Variants in CD38 observed in about 807,000 individuals in gnomAD.
CD38 encodes the protein ADP-ribosyl cyclase/cyclic ADP-ribose hydrolase 1.
CD38 carries 31 observed loss-of-function variants against 36.3 expected under a neutral mutation model. That is an observed-to-expected ratio of 0.85 (90% CI 0.64 to 1.15). The LOEUF is 1.15. CD38 is among the 50% of genes most tolerant of loss of function. The pLI, the probability that CD38 is intolerant of heterozygous loss-of-function variation, is 0.00. For synonymous variants in CD38, 131 were observed against 135.2 expected, an observed-to-expected ratio of 0.97 and a Z score of 0.22; for missense variants, 380 against 371.9, an observed-to-expected ratio of 1.02 and a Z score of -0.18.
At chr4:15,786,754 G>A (rs954840468) in intron 1 of CD38, among the ~76,000 whole-genome samples, 2 of 152,266 alleles carry the variant, frequency 1.3e-5, no homozygotes, top group African/African-American at 2.4e-5. Context: ...CCCTTGGACG[G>A]TGGATGGGAC....
chr4:15,808,430 G>C (rs1226030942), intron 1 of CD38, among the ~76,000 whole-genome samples: 1 of 152,174 alleles, frequency 6.6e-6, no homozygotes. Flanking sequence ...CATTTCCTAA[G>C]ACCCTCCAAG....
chr4:15,788,319 G>A (rs566457311), intron 1 of CD38, among the ~76,000 whole-genome samples: 36 of 152,320 alleles, frequency 2.4e-4, no homozygotes, highest in African/African-American at 8.2e-4. Flanking sequence ...TGCTCTGAGA[G>A]GTGACATTTC....
rs1253289216 is a variant in CD38, at chr4:15,849,680, C to T, written c.*1078C>T. ...ACAATTGTATTACTTTTTCAAAGAA[C>T]TAAGCTTTAGCTTCATTGATTTTTT... On this transcript the variant is annotated 3_prime_UTR_variant, in exon 8 of 8. Coordinates refer to ENST00000226279, the MANE Select transcript of CD38 (RefSeq NM_001775.4). 1 of 152,310 alleles carries T rather than the reference C, an allele frequency of 6.6e-6. No individual in the cohort carries two copies. Among genetic ancestry groups the T allele is most frequent in the African/African-American group, 2.4e-5 (1 of 41,570 alleles). The allele number at this position is 152,310 out of a possible 1,614,324, so 9.4% of individuals were successfully genotyped here.
chr4:15,809,656 C>T (rs558637084), intron 1 of CD38, among the ~76,000 whole-genome samples: 2 of 152,262 alleles, frequency 1.3e-5, no homozygotes, highest in Non-Finnish European at 2.9e-5. Flanking sequence ...AAATCACCGG[C>T]ACAGAATGAG....
intron 2 of CD38, among the ~76,000 whole-genome samples, chr4:15,820,331 T>A (rs1222183610): frequency 6.6e-6 from 1 of 152,146 alleles, no homozygotes; most frequent in Non-Finnish European, 1.5e-5. Flanking sequence ...CTGGATCAAA[T>A]TCACACATAA....
At chr4:15,819,805 C>T (rs182762248) in intron 2 of CD38, among the ~76,000 whole-genome samples, 5 of 152,188 alleles carry the variant, frequency 3.3e-5, no homozygotes, top group Admixed American at 3.3e-4. Flanking sequence ...AATGAAACCA[C>T]GTTGGAAAAC....
intron 1 of CD38, among the ~76,000 whole-genome samples, chr4:15,783,984 C>G (rs1382321593): frequency 6.6e-6 from 1 of 152,180 alleles, no homozygotes; most frequent in Non-Finnish European, 1.5e-5. Context: ...GGGAGATTCA[C>G]AAATGAAGAA....
At chr4:15,816,813 A>T (rs1723608724) in intron 2 of CD38, 173 bp downstream of exon 2, 4 of 686,062 alleles carry the variant, frequency 5.8e-6, no homozygotes, top group Non-Finnish European at 1.0e-5. Flanking sequence ...GATATAATTA[A>T]GATTTAGGAC....
At chr4:15,786,165 G>C (rs937491736) in intron 1 of CD38, among the ~76,000 whole-genome samples, 1 of 152,196 alleles carries the variant, frequency 6.6e-6, no homozygotes, top group Non-Finnish European at 1.5e-5. Context: ...AAGAGCAAAA[G>C]AACAAAGCTT....
chr4:15,827,899 A>G (rs1723883653), intron 3 of CD38, among the ~76,000 whole-genome samples: 1 of 152,050 alleles, frequency 6.6e-6, no homozygotes, highest in African/African-American at 2.4e-5. Flanking sequence ...GTATTTATTT[A>G]CTTTTTATTC....
At chr4:15,821,083 A>G (rs1385896495) in intron 2 of CD38, among the ~76,000 whole-genome samples, 4 of 152,340 alleles carry the variant, frequency 2.6e-5, no homozygotes, top group East Asian at 1.9e-4. Flanking sequence ...CTGCTCCTGA[A>G]TGACTCCTGG....
At chr4:15,820,770 G>A (rs887644435) in intron 2 of CD38, among the ~76,000 whole-genome samples, 3 of 151,964 alleles carry the variant, frequency 2.0e-5, no homozygotes, top group African/African-American at 7.3e-5. Flanking sequence ...GTCAATATTA[G>A]ACAGATCATC....
chr4:15,813,507 C>T (rs1463822476), intron 1 of CD38, among the ~76,000 whole-genome samples: 2 of 152,062 alleles, frequency 1.3e-5, no homozygotes, highest in African/African-American at 4.8e-5. Flanking sequence ...TATACATGTG[C>T]CATGGTGGTT....
chr4:15,815,183 T>G (rs1365851186), intron 1 of CD38, among the ~76,000 whole-genome samples: 2 of 152,218 alleles, frequency 1.3e-5, no homozygotes, highest in Non-Finnish European at 1.5e-5. Context: ...TGTAGTACAC[T>G]TTGTAGTCAG....
rs571559004 is a variant in CD38 at position 15,841,001 on chromosome 4, C to T, written c.839+463C>T. Among the ~76,000 whole-genome samples the T allele has an allele frequency of 1.6e-3, 246 of 151,652 alleles. 1 individual carries two copies. The highest frequency in any genetic ancestry group is 5.4e-3 in the African/African-American group (225 of 41,308). ...TACAGATGCCTAACACATGACAAGG[C>T]GTCACACGGCAGTCTACCAAAATCT... is the stretch of plus-strand genomic sequence containing the variant. On this transcript the variant is annotated intron_variant, in intron 7 of 7. Coordinates refer to ENST00000226279, the MANE Select transcript of CD38 (RefSeq NM_001775.4).
At chr4:15,817,435 C>T (rs1254068319) in intron 2 of CD38, among the ~76,000 whole-genome samples, 1 of 152,224 alleles carries the variant, frequency 6.6e-6, no homozygotes, top group Non-Finnish European at 1.5e-5. Flanking sequence ...TGAAACTTCT[C>T]CATTCACTAG....
At chr4:15,779,926 A>C (rs1310139015) in intron 1 of CD38, among the ~76,000 whole-genome samples, 1 of 152,202 alleles carries the variant, frequency 6.6e-6, no homozygotes, top group Non-Finnish European at 1.5e-5. Flanking sequence ...ATTGACAGGA[A>C]ATTAGCTTGT....
chr4:15,805,122 G>T (rs1723313748), intron 1 of CD38, among the ~76,000 whole-genome samples: 1 of 151,956 alleles, frequency 6.6e-6, no homozygotes, highest in African/African-American at 2.4e-5. Context: ...TATATATTCT[G>T]AAAAGAAGTC....
rs1724258848 is a variant in CD38 at position 15,845,843 on chromosome 4, A to G, written c.840-2696A>G. Among the ~76,000 whole-genome samples, 2 of 75,292 alleles carry G rather than the reference A, an allele frequency of 2.7e-5. 1 individual carries two copies. Among genetic ancestry groups the G allele is most frequent in the Non-Finnish European group, 4.6e-5 (2 of 43,268 alleles). The allele number at this position is 75,292 out of a possible 152,430, so 49.4% of individuals were successfully genotyped here. On this transcript the variant is annotated intron_variant, in intron 7 of 7. Transcript: ENST00000226279. Reference sequence around the variant, plus strand: ...TTCAAAGAGAATAAAATACCTAGGAATCCAACTTACAAGGGATGTGAAGGA... The same window carrying G: ...TTCAAAGAGAATAAAATACCTAGGAGTCCAACTTACAAGGGATGTGAAGGA...
Sources: allele counts gnomAD v4.1 joint callset (sites outside exome capture counted in the v4.1 genomes callset), GRCh38; gene constraint gnomAD v4.1.1; transcripts MANE v1.5; gene names NCBI Gene and HGNC (gene_info 2026-07-23, HGNC 2026-07-21).